The following LOC128092252 variants were observed in gnomAD, a reference collection of about 807,000 sequenced individuals.
chr15:50,656,831 T>C, the LOC128092252 span, among the ~76,000 whole-genome samples: 1 of 152,176 alleles, frequency 6.6e-6, no homozygotes, highest in African/African-American at 2.4e-5. Context: ...GTAGTTACCA[T>C]GCTCAAATCT....
chr15:50,668,501 T>A, the LOC128092252 span, among the ~76,000 whole-genome samples: 1 of 152,048 alleles, frequency 6.6e-6, no homozygotes, highest in Non-Finnish European at 1.5e-5. Context: ...TGGCAATAGA[T>A]TTGTTTTTGT....
the LOC128092252 span, among the ~76,000 whole-genome samples, chr15:50,665,809 A>G: frequency 1.2e-4 from 19 of 152,258 alleles, no homozygotes; most frequent in East Asian, 3.5e-3. Flanking sequence ...AGCCTGACCA[A>G]CATGGTGAAA....
At chr15:50,680,006 G>A in the LOC128092252 span, among the ~76,000 whole-genome samples, 1 of 129,528 alleles carries the variant, frequency 7.7e-6, no homozygotes, top group East Asian at 2.4e-4. Context: ...GGCCAAGGTG[G>A]GTGGATCACT....
At chr15:50,664,469 A>C in the LOC128092252 span, among the ~76,000 whole-genome samples, 1 of 152,222 alleles carries the variant, frequency 6.6e-6, no homozygotes, top group Non-Finnish European at 1.5e-5. Context: ...ATAGTGTCAG[A>C]AAAATGGGTA....
the LOC128092252 span, among the ~76,000 whole-genome samples, chr15:50,673,612 T>C: frequency 6.6e-6 from 1 of 151,996 alleles, no homozygotes; most frequent in Non-Finnish European, 1.5e-5. Flanking sequence ...CATTCCTTTT[T>C]ATGGCTGAGA....
At chr15:50,683,642 G>A in the LOC128092252 span, among the ~76,000 whole-genome samples, 1 of 152,058 alleles carries the variant, frequency 6.6e-6, no homozygotes, top group Non-Finnish European at 1.5e-5. Flanking sequence ...TGGGGCAGCA[G>A]AATCGCTTGA....
the LOC128092252 span, among the ~76,000 whole-genome samples, chr15:50,654,964 G>A: frequency 1.4e-5 from 2 of 140,970 alleles, no homozygotes; most frequent in South Asian, 4.4e-4. Context: ...CTGCGCCACT[G>A]CACTCCAGCG....
the LOC128092252 span, among the ~76,000 whole-genome samples, chr15:50,670,246 A>G: frequency 6.6e-6 from 1 of 152,112 alleles, no homozygotes; most frequent in Non-Finnish European, 1.5e-5. Context: ...AGAAGGGGGG[A>G]AACGTCAGAG....
chr15:50,686,688 G>A, the LOC128092252 span: 3 of 957,584 alleles, frequency 3.1e-6, no homozygotes, highest in Non-Finnish European at 4.5e-6. Context: ...ACTCAGCTCC[G>A]GCGCTAGCAG....
the LOC128092252 span, among the ~76,000 whole-genome samples, chr15:50,680,917 G>C: frequency 6.6e-6 from 1 of 152,200 alleles, no homozygotes; most frequent in African/African-American, 2.4e-5. Context: ...ATAAATAATG[G>C]AGAAAACAGT....
At chr15:50,679,544 T>A in the LOC128092252 span, among the ~76,000 whole-genome samples, 5 of 124,982 alleles carry the variant, frequency 4.0e-5, no homozygotes, top group African/African-American at 1.8e-4. Flanking sequence ...ATATATTTTT[T>A]TTTTTTTTTG....
At chr15:50,657,823 T>C in the LOC128092252 span, 2 of 1,610,354 alleles carry the variant, frequency 1.2e-6, no homozygotes, top group African/African-American at 1.3e-5. Flanking sequence ...AAGGCATCTA[T>C]TGAACACAAA....
the LOC128092252 span, among the ~76,000 whole-genome samples, chr15:50,663,394 G>A: frequency 1.3e-5 from 2 of 152,166 alleles, no homozygotes; most frequent in Admixed American, 1.3e-4. Context: ...CCAAAGTGGT[G>A]GGATTACAGG....
the LOC128092252 span, among the ~76,000 whole-genome samples, chr15:50,667,797 T>C: frequency 4.6e-5 from 7 of 152,300 alleles, no homozygotes; most frequent in East Asian, 1.2e-3. Flanking sequence ...GTTTCACATA[T>C]CAATAATGCA....
At chr15:50,676,585 A>T in the LOC128092252 span, among the ~76,000 whole-genome samples, 1 of 152,092 alleles carries the variant, frequency 6.6e-6, no homozygotes, top group East Asian at 1.9e-4. Flanking sequence ...ATAAAAAGAT[A>T]AAAAAGACTT....
chr15:50,657,199 C>T, the LOC128092252 span, among the ~76,000 whole-genome samples: 1 of 152,120 alleles, frequency 6.6e-6, no homozygotes, highest in Non-Finnish European at 1.5e-5. Flanking sequence ...TGGCGCATGC[C>T]TGTAATCCCA....
the LOC128092252 span, among the ~76,000 whole-genome samples, chr15:50,660,666 A>G: frequency 1.3e-5 from 2 of 152,156 alleles, no homozygotes; most frequent in Non-Finnish European, 2.9e-5. Flanking sequence ...ATATATACAT[A>G]CTATTTTCTA....
chr15:50,679,538 A>ATATATTTTTTT, the LOC128092252 span, among the ~76,000 whole-genome samples: 3 of 43,904 alleles, frequency 6.8e-5, no homozygotes, highest in African/African-American at 3.2e-4. Flanking sequence ...ATATATATAT[A>ATATATTTTTTT]TTTTTTTTTT....
At chr15:50,686,103 A>G in the LOC128092252 span, among the ~76,000 whole-genome samples, 1 of 152,124 alleles carries the variant, frequency 6.6e-6, no homozygotes, top group Non-Finnish European at 1.5e-5. Context: ...TTTCCATGTA[A>G]AACTTGAGCA....
Sources: allele counts gnomAD v4.1 joint callset (sites outside exome capture counted in the v4.1 genomes callset), GRCh38; gene constraint gnomAD v4.1.1; transcripts MANE v1.5.